GAB2: variants seen among roughly 807,000 people sequenced by gnomAD.
The protein encoded by GAB2 is GRB2-associated-binding protein 2.
In GAB2, 26 loss-of-function variants were observed where a neutral mutation model predicts 65.5. The observed-to-expected ratio is 0.40, with a 90% CI of 0.29 to 0.55. The LOEUF is 0.55. Among genes scored for constraint, GAB2 ranks in the 20% least tolerant of loss-of-function variants. GAB2 has a pLI of 0.53. For synonymous variants in GAB2, 321 were observed against 329.6 expected, an observed-to-expected ratio of 0.97 and a Z score of 0.28; for missense variants, 884 against 875.8, an observed-to-expected ratio of 1.01 and a Z score of -0.12.
intron 3 of GAB2, chr11:78,232,007 A>C (rs114184793): frequency 6.6e-6 from 1 of 152,182 alleles, no homozygotes; most frequent in Non-Finnish European, 1.5e-5. Context: ...AATCTTTATG[A>C]GATGAGGCAA....
At chr11:78,340,311 A>T (rs117325479) in intron 1 of GAB2, among the ~76,000 whole-genome samples, 1,651 of 152,284 alleles carry the variant, frequency 0.011, 15 homozygotes, top group Non-Finnish European at 0.017. Context: ...AATTCTAGGA[A>T]CTGGCAAGAC....
rs770489186 is a variant in GAB2 at position 78,226,979 on chromosome 11, G to A, written c.693C>T (p.Ala231=). The A allele has an allele frequency of 1.2e-6, 2 of 1,613,772 alleles. No individual in the cohort carries two copies. Among genetic ancestry groups the A allele is most frequent in the South Asian group, 2.2e-5 (2 of 91,078 alleles). The change falls in exon 4 of 10, where the codon GCC becomes GCT. Residue 231 remains alanine (A), a synonymous_variant. Transcript: ENST00000361507. ...MRSDTAVQKL[A]QGNGHCVNGI... Reference sequence around the variant, plus strand: ...CGTTGACACAGTGTCCATTGCCCTGGGCAAGTTTTTGTACAGCTGTGTCAC... The same window carrying A: ...CGTTGACACAGTGTCCATTGCCCTGAGCAAGTTTTTGTACAGCTGTGTCAC...
intron 1 of GAB2, among the ~76,000 whole-genome samples, chr11:78,339,495 C>T (rs1856058184): frequency 1.3e-5 from 2 of 152,172 alleles, no homozygotes; most frequent in African/African-American, 4.8e-5. Flanking sequence ...TTATGCCCTA[C>T]AATACAACAA....
At chr11:78,366,576 A>C (rs1195611039) in intron 1 of GAB2, among the ~76,000 whole-genome samples, 5 of 72,656 alleles carry the variant, frequency 6.9e-5, no homozygotes, top group Non-Finnish European at 1.2e-4. Context: ...ACAGAGCAAG[A>C]CTCCATCTCA....
chr11:78,413,562 C>T (rs761919984), intron 1 of GAB2, among the ~76,000 whole-genome samples: 8 of 152,052 alleles, frequency 5.3e-5, no homozygotes, highest in Non-Finnish European at 1.2e-4. Flanking sequence ...AAGTAGGTTT[C>T]CACTGGAGCC....
intron 8 of GAB2, among the ~76,000 whole-genome samples, chr11:78,220,946 G>T (rs1361403562): frequency 2.6e-5 from 4 of 152,188 alleles, no homozygotes; most frequent in Non-Finnish European, 4.4e-5. Context: ...GGCCTAGAGT[G>T]GGGTAGTCAC....
Position 78,280,711 on chromosome 11 carries a change from T to C in GAB2, c.266A>G (p.Lys89Arg), listed in dbSNP as rs756864911. ...CAGGTAAAAGGTGCGTTCACTGGTC[T>C]TGATGTCAAACACAAAACTATCCTG... ...ELQDSFVFDIKTSERTFYLVA... is the reference protein window; with the variant it reads ...ELQDSFVFDIRTSERTFYLVA... The change falls in exon 2 of 10, where the codon AAG becomes AGG. Residue 89 changes from lysine (K) to arginine (R), a missense_variant. Coordinates refer to ENST00000361507, the MANE Select transcript of GAB2 (RefSeq NM_080491.3). 6.2e-7 allele frequency: 1 copy of C among 1,614,160 alleles called. No homozygotes were observed. Among genetic ancestry groups the C allele is most frequent in the South Asian group, 1.1e-5 (1 of 91,084 alleles).
chr11:78,245,232 A>G (rs1177265779), intron 3 of GAB2, among the ~76,000 whole-genome samples: 1 of 152,232 alleles, frequency 6.6e-6, no homozygotes, highest in African/African-American at 2.4e-5. Flanking sequence ...GAGATTGATT[A>G]TATAACAATA....
At chr11:78,393,059 A>C (rs748794587) in intron 1 of GAB2, among the ~76,000 whole-genome samples, 5 of 152,238 alleles carry the variant, frequency 3.3e-5, no homozygotes, top group Non-Finnish European at 7.3e-5. Flanking sequence ...AGCTGCAGAG[A>C]GGCAGGATGT....
At chr11:78,385,256 A>G (rs1856751507) in intron 1 of GAB2, among the ~76,000 whole-genome samples, 1 of 152,218 alleles carries the variant, frequency 6.6e-6, no homozygotes, top group South Asian at 2.1e-4. Flanking sequence ...AGCTTCCAAA[A>G]CTTATGGATC....
chr11:78,289,587 G>C (rs141475499), intron 1 of GAB2, among the ~76,000 whole-genome samples: 1 of 152,104 alleles, frequency 6.6e-6, no homozygotes, highest in African/African-American at 2.4e-5. Flanking sequence ...GTTTCAGGAA[G>C]TTAAGACATT....
At chr11:78,404,208 C>T (rs905828284) in intron 1 of GAB2, among the ~76,000 whole-genome samples, 7 of 152,122 alleles carry the variant, frequency 4.6e-5, no homozygotes, top group African/African-American at 1.7e-4. Context: ...GTCCATCAAT[C>T]GATGAATGCA....
At chr11:78,308,316 G>A (rs932015395) in intron 1 of GAB2, among the ~76,000 whole-genome samples, 2 of 152,114 alleles carry the variant, frequency 1.3e-5, no homozygotes, top group Non-Finnish European at 2.9e-5. Context: ...GCAGTAAGCC[G>A]TGACTGCAAC....
At chr11:78,290,195 G>T (rs901109146) in intron 1 of GAB2, among the ~76,000 whole-genome samples, 3 of 152,214 alleles carry the variant, frequency 2.0e-5, no homozygotes, top group African/African-American at 7.2e-5. Context: ...AATTAGGGTA[G>T]TAATAACGGA....
chr11:78,356,330 C>T (rs1856359305), intron 1 of GAB2, among the ~76,000 whole-genome samples: 1 of 152,106 alleles, frequency 6.6e-6, no homozygotes, highest in African/African-American at 2.4e-5. Flanking sequence ...GAGGTTAGTA[C>T]TAACAACATG....
intron 1 of GAB2, among the ~76,000 whole-genome samples, chr11:78,360,854 G>C (rs193107100): frequency 8.9e-4 from 135 of 151,938 alleles, no homozygotes; most frequent in Middle Eastern, 3.4e-3. Context: ...GCAAAACTTC[G>C]TCTCAAAGAA....
At chr11:78,326,308 C>T (rs999457630) in intron 1 of GAB2, among the ~76,000 whole-genome samples, 4 of 152,228 alleles carry the variant, frequency 2.6e-5, no homozygotes, top group Non-Finnish European at 4.4e-5. Flanking sequence ...CAGAGGAGGG[C>T]TATAAAACAC....
rs143918850 is a variant in GAB2 at position 78,362,957 on chromosome 11, C to T, written c.75+54689G>A. ...GTATGTGTACCTAGTAATATGGCCT[C>T]GAAATATATAAAGCAAGAATTGCCA... On this transcript the variant is annotated intron_variant, in intron 1 of 9. Coordinates refer to ENST00000361507, the MANE Select transcript of GAB2 (RefSeq NM_080491.3). 4.6e-3 allele frequency among the ~76,000 whole-genome samples: 704 copies of T among 152,106 alleles called. 3 individuals are homozygous for T. The highest frequency in any genetic ancestry group is 0.016 in the African/African-American group (663 of 41,500).
intron 1 of GAB2, among the ~76,000 whole-genome samples, chr11:78,374,303 GT>G (rs1856606882): frequency 6.6e-6 from 1 of 152,086 alleles, no homozygotes; most frequent in Non-Finnish European, 1.5e-5. Context: ...TAAGACCAAG[GT>G]CTACAATACA....
Sources: allele counts gnomAD v4.1 joint callset (sites outside exome capture counted in the v4.1 genomes callset), GRCh38; gene constraint gnomAD v4.1.1; transcripts MANE v1.5; gene names NCBI Gene and HGNC (gene_info 2026-07-23, HGNC 2026-07-21).